Variants in NTM observed in about 807,000 individuals in gnomAD.
NTM encodes neurotrimin.
NTM carries 13 observed loss-of-function variants against 42.1 expected under a neutral mutation model. The observed-to-expected ratio is 0.31, with a 90% CI of 0.20 to 0.49. The LOEUF (loss-of-function observed/expected upper bound fraction) is 0.49. Ranked by LOEUF, NTM falls within the 20% of genes least tolerant of loss-of-function variation. The probability of loss-of-function intolerance (pLI) is 0.99; values close to 1 mark genes in which losing one functional copy is unlikely to be tolerated. For missense variants in NTM, 373 were observed against 452.8 expected (o/e 0.82, Z 1.60); for synonymous variants, 187 against 179.2 (o/e 1.04, Z -0.35).
chr11:132,047,664 G>A (rs1181563350), intron 2 of NTM, among the ~76,000 whole-genome samples: 2 of 152,222 alleles, frequency 1.3e-5, no homozygotes, highest in Non-Finnish European at 2.9e-5. Flanking sequence ...TGACCCGGTG[G>A]CCAGGCAGGG....
chr11:132,330,900 A>C (rs3133906), intron 8 of NTM, among the ~76,000 whole-genome samples: 64,516 of 152,090 alleles, frequency 0.42, 14,495 homozygotes, highest in African/African-American at 0.55. Flanking sequence ...GCTGAGCTGT[A>C]GCTCTGACCA....
At chr11:132,141,181 TG>T (rs1432203969) in intron 2 of NTM, 1 of 152,258 alleles carries the variant, frequency 6.6e-6, no homozygotes, top group Middle Eastern at 3.4e-3. Flanking sequence ...CAGACACTTT[TG>T]CTTCTTTTTT....
intron 4 of NTM, among the ~76,000 whole-genome samples, chr11:132,212,613 G>C (rs1403863000): frequency 6.6e-6 from 1 of 152,136 alleles, no homozygotes; most frequent in Non-Finnish European, 1.5e-5. Context: ...TTGTGGTTTT[G>C]TTGTTGTTTT....
chr11:132,058,935 A>C (rs2080166605), intron 2 of NTM, among the ~76,000 whole-genome samples: 1 of 152,256 alleles, frequency 6.6e-6, no homozygotes, highest in Non-Finnish European at 1.5e-5. Flanking sequence ...AGATATTGTG[A>C]AAATGTGAAG....
intron 1 of NTM, among the ~76,000 whole-genome samples, chr11:131,497,510 C>T (rs1487570269): frequency 1.7e-5 from 2 of 121,174 alleles, no homozygotes; most frequent in African/African-American, 6.5e-5. Flanking sequence ...TTCTAAGAGG[C>T]CCTTTCTGAG....
chr11:131,832,805 C>G (rs1224033803), intron 1 of NTM, among the ~76,000 whole-genome samples: 1 of 152,180 alleles, frequency 6.6e-6, no homozygotes, highest in Non-Finnish European at 1.5e-5. Context: ...TATGTATGCA[C>G]ATAAACACAC....
chr11:131,401,836 A>ATATGTGTG lies in NTM; in HGVS notation c.82+30951_82+30952insGTGTGTAT, dbSNP rs1945250263. On this transcript the variant is annotated intron_variant, in intron 1 of 8. Coordinates refer to ENST00000683400, the MANE Select transcript of NTM (RefSeq NM_001352005.2). ...TATATATATATATATATATATATAT[A>ATATGTGTG]TATATATATATATATATATATATAT... 5.7e-5 allele frequency among the ~76,000 whole-genome samples: 5 copies of ATATGTGTG among 87,120 alleles called. 1 individual carries two copies. The highest frequency in any genetic ancestry group is 2.0e-4 in the African/African-American group (5 of 24,416). 57.2% of individuals were successfully genotyped at this position (87,120 alleles called of 152,430 possible).
chr11:131,435,265 C>T, intron 1 of NTM, among the ~76,000 whole-genome samples: 1 of 152,156 alleles, frequency 6.6e-6, no homozygotes, highest in Non-Finnish European at 1.5e-5. Context: ...ATTGTCTTGG[C>T]AATGCGGGCT....
chr11:132,185,691 T>A (rs2138137896), intron 3 of NTM, among the ~76,000 whole-genome samples: 1 of 152,290 alleles, frequency 6.6e-6, no homozygotes, highest in Admixed American at 6.5e-5. Flanking sequence ...ATAATTTTAA[T>A]ATAATTATTT....
chr11:131,441,314 C>T (rs184465480), intron 1 of NTM, among the ~76,000 whole-genome samples: 71 of 152,328 alleles, frequency 4.7e-4, no homozygotes, highest in African/African-American at 1.5e-3. Flanking sequence ...GAATGCTTCC[C>T]AGAACTAAAT....
intron 2 of NTM, among the ~76,000 whole-genome samples, chr11:132,134,568 A>T (rs775730842): frequency 1.3e-5 from 2 of 150,876 alleles, no homozygotes; most frequent in Non-Finnish European, 2.9e-5. Context: ...TGAGTCATAT[A>T]GGAATATATA....
At chr11:132,204,172 A>C in intron 3 of NTM, among the ~76,000 whole-genome samples, 1 of 152,316 alleles carries the variant, frequency 6.6e-6, no homozygotes, top group East Asian at 1.9e-4. Context: ...ATACAGTGAA[A>C]AATAAAATAA....
chr11:131,437,259 T>G (rs1016794441), intron 1 of NTM, among the ~76,000 whole-genome samples: 3 of 152,252 alleles, frequency 2.0e-5, no homozygotes, highest in African/African-American at 7.2e-5. Flanking sequence ...ATGTATATTC[T>G]GTTGATTTGG....
chr11:132,028,095 C>A (rs1038128651), intron 2 of NTM, among the ~76,000 whole-genome samples: 1 of 151,828 alleles, frequency 6.6e-6, no homozygotes, highest in Admixed American at 6.6e-5. Context: ...TTTCTGCTTA[C>A]ATTCCCCATT....
chr11:131,906,465 C>G (rs1449825282), intron 1 of NTM, among the ~76,000 whole-genome samples: 1 of 152,106 alleles, frequency 6.6e-6, no homozygotes, highest in Non-Finnish European at 1.5e-5. Context: ...ATGGATTATA[C>G]TAAAGATCTT....
At chr11:132,071,667 G>A (rs1190340815) in intron 2 of NTM, among the ~76,000 whole-genome samples, 1 of 152,156 alleles carries the variant, frequency 6.6e-6, no homozygotes, top group Non-Finnish European at 1.5e-5. Flanking sequence ...TGGGGCTGGT[G>A]GACCCAGATG....
intron 1 of NTM, among the ~76,000 whole-genome samples, chr11:131,552,175 GAA>G (rs2054758933): frequency 6.6e-6 from 1 of 152,160 alleles, no homozygotes; most frequent in East Asian, 1.9e-4. Flanking sequence ...GGTCAGGAAA[GAA>G]GAGGAAAAGA....
At chr11:132,214,258 C>A (rs2083413488) in intron 4 of NTM, among the ~76,000 whole-genome samples, 1 of 152,182 alleles carries the variant, frequency 6.6e-6, no homozygotes, top group Admixed American at 6.5e-5. Flanking sequence ...GTGCACCATT[C>A]ATCACAGCCT....
chr11:132,239,693 T>C (rs577282938), intron 4 of NTM, among the ~76,000 whole-genome samples: 9 of 152,332 alleles, frequency 5.9e-5, no homozygotes, highest in African/African-American at 1.9e-4. Context: ...TGAAAACTTA[T>C]AATGAATAGT....
Sources: allele counts gnomAD v4.1 joint callset (sites outside exome capture counted in the v4.1 genomes callset), GRCh38; gene constraint gnomAD v4.1.1; transcripts MANE v1.5; gene names NCBI Gene and HGNC (gene_info 2026-07-23, HGNC 2026-07-21).